Variants in GALNT13 observed in about 807,000 individuals in gnomAD.
The protein encoded by GALNT13 is UDP-GalNAc:polypeptide N-acetylgalactosaminyltransferase 13.
A neutral mutation model predicts 64.2 loss-of-function variants in GALNT13; 28 were observed. The observed-to-expected ratio is 0.44, with a 90% CI of 0.32 to 0.60. GALNT13 has a LOEUF of 0.60. Ranked by LOEUF, GALNT13 falls within the 20% of genes least tolerant of loss-of-function variation. GALNT13 has a pLI of 0.05. For synonymous variants in GALNT13, 214 were observed against 224.6 expected, an observed-to-expected ratio of 0.95 and a Z score of 0.42; for missense variants, 577 against 669.8, an observed-to-expected ratio of 0.86 and a Z score of 1.53.
At chr2:153,372,578 A>G in the GALNT13 span, among the ~76,000 whole-genome samples, 1 of 152,004 alleles carries the variant, frequency 6.6e-6, no homozygotes, top group Admixed American at 6.6e-5. Context: ...CCAGGGGGGC[A>G]GAGGTTGCAG....
chr2:153,656,922 TG>T, the GALNT13 span, among the ~76,000 whole-genome samples: 6 of 151,890 alleles, frequency 4.0e-5, no homozygotes, highest in Non-Finnish European at 7.4e-5. Context: ...TTTTAGGAGT[TG>T]GGGGATTGGC....
intron 2 of GALNT13, among the ~76,000 whole-genome samples, chr2:153,933,120 A>G (rs1054303849): frequency 6.6e-6 from 1 of 152,066 alleles, no homozygotes; most frequent in Non-Finnish European, 1.5e-5. Context: ...AGAGTTCTGT[A>G]TATGTCTGTT....
the GALNT13 span, among the ~76,000 whole-genome samples, chr2:153,342,980 TA>T: frequency 6.6e-6 from 1 of 152,236 alleles, no homozygotes; most frequent in Non-Finnish European, 1.5e-5. Context: ...AAAGACTAAA[TA>T]AAAAGAGAAC....
intron 10 of GALNT13, among the ~76,000 whole-genome samples, chr2:154,399,175 C>T (rs1309020804): frequency 6.6e-6 from 1 of 152,058 alleles, no homozygotes; most frequent in Non-Finnish European, 1.5e-5. Context: ...CACAGCTATT[C>T]AAGTGGCTGA....
chr2:153,520,127 T>A, the GALNT13 span, among the ~76,000 whole-genome samples: 1 of 152,174 alleles, frequency 6.6e-6, no homozygotes, highest in Non-Finnish European at 1.5e-5. Context: ...AGAAAAAAAA[T>A]TTACTCATTT....
the GALNT13 span, among the ~76,000 whole-genome samples, chr2:153,474,763 A>G: frequency 6.6e-6 from 1 of 152,196 alleles, no homozygotes; most frequent in Non-Finnish European, 1.5e-5. Context: ...AATATCAGAT[A>G]AGTCCCCCTG....
chr2:153,670,159 T>A, the GALNT13 span, among the ~76,000 whole-genome samples: 1 of 152,176 alleles, frequency 6.6e-6, no homozygotes, highest in South Asian at 2.1e-4. Flanking sequence ...AGACTTGAAC[T>A]TCCCTGCCTG....
chr2:153,765,199 G>T, the GALNT13 span, among the ~76,000 whole-genome samples: 1 of 152,178 alleles, frequency 6.6e-6, no homozygotes, highest in Non-Finnish European at 1.5e-5. Flanking sequence ...GAATGGTAGA[G>T]CCACTGACAG....
At chr2:153,620,423 C>T in the GALNT13 span, among the ~76,000 whole-genome samples, 1 of 151,964 alleles carries the variant, frequency 6.6e-6, no homozygotes, top group East Asian at 1.9e-4. Flanking sequence ...TGTGCCCAGC[C>T]CTGTAGGCAT....
At chr2:153,938,688 C>A (rs1253687863) in intron 2 of GALNT13, among the ~76,000 whole-genome samples, 2 of 152,172 alleles carry the variant, frequency 1.3e-5, no homozygotes, top group African/African-American at 4.8e-5. Context: ...TGATTTTATT[C>A]TGAGTCCTCT....
At chr2:153,402,417 C>T in the GALNT13 span, among the ~76,000 whole-genome samples, 1 of 151,248 alleles carries the variant, frequency 6.6e-6, no homozygotes, top group African/African-American at 2.4e-5. Context: ...TGGAGTTGCT[C>T]TTCTCAAGGA....
chr2:153,576,065 C>G, the GALNT13 span, among the ~76,000 whole-genome samples: 1 of 152,100 alleles, frequency 6.6e-6, no homozygotes, highest in Non-Finnish European at 1.5e-5. Flanking sequence ...GAGCTCAGAC[C>G]TGGAATAAGG....
intron 9 of GALNT13, among the ~76,000 whole-genome samples, chr2:154,365,957 C>T (rs575561610): frequency 3.3e-5 from 5 of 152,234 alleles, no homozygotes; most frequent in African/African-American, 1.2e-4. Flanking sequence ...GAAGTCAATG[C>T]TATTGACAAT....
At chr2:153,787,454 G>A in the GALNT13 span, among the ~76,000 whole-genome samples, 1 of 152,172 alleles carries the variant, frequency 6.6e-6, no homozygotes, top group Admixed American at 6.5e-5. Flanking sequence ...TGTACTCAAT[G>A]TATATGACAT....
At chr2:154,149,973 GA>G (rs1458431160) in intron 4 of GALNT13, among the ~76,000 whole-genome samples, 1 of 152,284 alleles carries the variant, frequency 6.6e-6, no homozygotes, top group African/African-American at 2.4e-5. Flanking sequence ...TGTTGAATAG[GA>G]GTGGTGAGAG....
the GALNT13 span, among the ~76,000 whole-genome samples, chr2:153,436,634 C>T: frequency 6.6e-6 from 1 of 152,170 alleles, no homozygotes; most frequent in Non-Finnish European, 1.5e-5. Flanking sequence ...TTGTAGTATT[C>T]TCTGATGGTA....
the GALNT13 span, among the ~76,000 whole-genome samples, chr2:153,735,509 A>C: frequency 6.6e-6 from 1 of 152,210 alleles, no homozygotes; most frequent in Non-Finnish European, 1.5e-5. Flanking sequence ...ATGGACAGGC[A>C]CAATGAATTT....
chr2:153,558,700 T>G, the GALNT13 span, among the ~76,000 whole-genome samples: 4 of 152,348 alleles, frequency 2.6e-5, no homozygotes, highest in Admixed American at 6.5e-5. Context: ...AAAATAATTC[T>G]ACAGCATTCC....
At chr2:153,877,940 C>G (rs1686499872) in intron 1 of GALNT13, among the ~76,000 whole-genome samples, 1 of 151,976 alleles carries the variant, frequency 6.6e-6, no homozygotes, top group Non-Finnish European at 1.5e-5. Flanking sequence ...GTTACTGTTG[C>G]CATTGTATAA....
Sources: gnomAD v4.1 joint callset for allele counts (sites outside exome capture counted in the v4.1 genomes callset) on GRCh38, gnomAD v4.1.1 for gene constraint, MANE v1.5 for transcripts, NCBI Gene and HGNC (gene_info 2026-07-23, HGNC 2026-07-21) for gene names.